Variants in PHKA1 observed in about 807,000 individuals in gnomAD.
PHKA1 encodes phosphorylase kinase regulatory subunit alpha 1, also known as phosphorylase b kinase regulatory subunit alpha, skeletal muscle isoform.
PHKA1 carries 60 observed loss-of-function variants against 110.2 expected under a neutral mutation model. That is an observed-to-expected ratio of 0.54 (90% CI 0.44 to 0.68). PHKA1 has a LOEUF of 0.68. Among genes scored for constraint, PHKA1 ranks in the 30% least tolerant of loss-of-function variants. PHKA1 has a pLI of 0.00. For synonymous variants in PHKA1, 316 were observed against 333.6 expected (o/e 0.95, Z 0.58); for missense variants, 801 against 942.5 (o/e 0.85, Z 1.97).
intron 3 of PHKA1, among the ~76,000 whole-genome samples, chrX:72,702,014 T>C (rs2147836306): frequency 8.9e-6 from 1 of 111,995 alleles, no homozygotes; most frequent in South Asian, 3.8e-4. Context: ...TTTTTTTGGC[T>C]ACAAGTCTTC....
chrX:72,679,185 T>A (rs1269031036), intron 5 of PHKA1, among the ~76,000 whole-genome samples: 1 of 111,709 alleles, frequency 9.0e-6, no homozygotes, highest in Non-Finnish European at 1.9e-5. Context: ...GAAAACTTCA[T>A]AATTCAGGGG....
intron 8 of PHKA1, among the ~76,000 whole-genome samples, chrX:72,663,900 G>A (rs1231446536): frequency 9.2e-6 from 1 of 109,176 alleles, no homozygotes; most frequent in Admixed American, 9.9e-5. Flanking sequence ...ACAGAAAGGA[G>A]CACATACAGA....
At chrX:72,620,457 A>C (rs1556275856) in intron 19 of PHKA1, among the ~76,000 whole-genome samples, 1 of 112,218 alleles carries the variant, frequency 8.9e-6, no homozygotes, top group East Asian at 2.8e-4. Flanking sequence ...GTTATAGTTG[A>C]ATATGCTCCA....
intron 8 of PHKA1, among the ~76,000 whole-genome samples, chrX:72,665,708 G>T (rs1556306057): frequency 1.8e-5 from 2 of 111,966 alleles, no homozygotes. Flanking sequence ...TTGGTACCTT[G>T]TATCTTTTTA....
At chrX:72,635,346 T>C (rs1556291044) in intron 15 of PHKA1, 47 bp from the exon 16 acceptor site, 8 of 1,096,216 alleles carry the variant, frequency 7.3e-6, no homozygotes, top group Non-Finnish European at 1.0e-5. Flanking sequence ...CTCTCACAAT[T>C]ATCAAGTAAT....
At chrX:72,615,573 T>G (rs1181796941) in intron 21 of PHKA1, among the ~76,000 whole-genome samples, 4 of 110,247 alleles carry the variant, frequency 3.6e-5, no homozygotes, top group African/African-American at 1.3e-4. Context: ...GTAAGCCTCA[T>G]GGTAACCACA....
At chrX:72,594,491 C>T (rs1009001765) in intron 28 of PHKA1, among the ~76,000 whole-genome samples, 14 of 112,116 alleles carry the variant, frequency 1.2e-4, no homozygotes, top group African/African-American at 4.5e-4. Flanking sequence ...GCATACCATC[C>T]GCAGCCATAT....
At chrX:72,665,782 G>A (rs1556306079) in intron 8 of PHKA1, among the ~76,000 whole-genome samples, 1 of 111,718 alleles carries the variant, frequency 9.0e-6, no homozygotes, top group Non-Finnish European at 1.9e-5. Flanking sequence ...TCTGTTGAAG[G>A]TTTTTTCCAG....
In PHKA1 at chrX:72,631,783, G is replaced by A. The variant is rs1445219668; in HGVS notation, c.1714+3372C>T. 7.2e-5 allele frequency among the ~76,000 whole-genome samples: 8 copies of A among 110,793 alleles called. No homozygotes were observed. In the Admixed American group the frequency reaches 7.7e-4, roughly 11 times the overall value. ...TTATGTTTGTTTTATATATGTCAAG[G>A]ATTTTTAGCTGCACTTAGCAGGAGG... On this transcript the variant is annotated intron_variant, in intron 16 of 31. Coordinates refer to ENST00000373542, the MANE Select transcript of PHKA1 (RefSeq NM_002637.4).
At chrX:72,702,679 C>T (rs1401221039) in intron 3 of PHKA1, among the ~76,000 whole-genome samples, 1 of 111,489 alleles carries the variant, frequency 9.0e-6, no homozygotes, top group Non-Finnish European at 1.9e-5. Context: ...AACTGTCCTA[C>T]TCATGAGAGA....
At chrX:72,667,672 A>AAAAGG (rs782337805) in intron 6 of PHKA1, among the ~76,000 whole-genome samples, 199 bp from the exon 7 acceptor site, 5 of 112,264 alleles carry the variant, frequency 4.5e-5, no homozygotes, top group Admixed American at 9.5e-5. Context: ...GAGAAAGTTA[A>AAAAGG]AAAGGAGTCT....
intron 18 of PHKA1, chrX:72,622,611 T>G (rs1198043725): frequency 1.3e-6 from 1 of 752,284 alleles, no homozygotes; most frequent in African/African-American, 2.3e-5. Flanking sequence ...TGTATTTGCC[T>G]AGTTTGTACT....
intron 6 of PHKA1, among the ~76,000 whole-genome samples, chrX:72,670,784 C>T (rs146884855): frequency 0.027 from 3,071 of 111,833 alleles, 105 homozygotes; most frequent in African/African-American, 0.094. Context: ...GTTCAATATA[C>T]GCAAATCAAT....
intron 28 of PHKA1, among the ~76,000 whole-genome samples, chrX:72,599,613 C>T (rs1324749202): frequency 9.0e-6 from 1 of 111,574 alleles, no homozygotes; most frequent in Non-Finnish European, 1.9e-5. Context: ...TTTCTGAAAT[C>T]GCAAAGAGGT....
At chrX:72,649,303 T>C (rs1556298121) in intron 13 of PHKA1, among the ~76,000 whole-genome samples, 1 of 111,476 alleles carries the variant, frequency 9.0e-6, no homozygotes, top group African/African-American at 3.3e-5. Context: ...TGGATTGTGA[T>C]GTTAGAGAGT....
At chrX:72,610,859 C>A (rs1424183425) in intron 22 of PHKA1, among the ~76,000 whole-genome samples, 169 bp downstream of exon 22, 1 of 111,738 alleles carries the variant, frequency 8.9e-6, no homozygotes, top group East Asian at 2.8e-4. Flanking sequence ...TATAAATCTA[C>A]AATTCTTACT....
chrX:72,601,302 T>C (rs112021399), intron 28 of PHKA1, among the ~76,000 whole-genome samples: 2,344 of 111,840 alleles, frequency 0.021, 66 homozygotes, highest in African/African-American at 0.071. Context: ...TCAGGACCAT[T>C]GTTAATAGGT....
chrX:72,615,752 GGGAAGGAAGGAAGGAA>G (rs563484322), intron 21 of PHKA1, among the ~76,000 whole-genome samples: 14 of 33,475 alleles, frequency 4.2e-4, no homozygotes, highest in African/African-American at 1.0e-3. Context: ...GAAGGAGGGG[GGGAAGGAAGGAAGGAA>G]GGAAGGAAGG....
intron 28 of PHKA1, chrX:72,593,575 T>C (rs1385594657): frequency 4.0e-5 from 9 of 226,106 alleles, no homozygotes; most frequent in Non-Finnish European, 7.2e-5. Context: ...TCTCCTGACC[T>C]CATGATCCAC....
Sources: gnomAD v4.1 joint callset for allele counts (sites outside exome capture counted in the v4.1 genomes callset) on GRCh38, gnomAD v4.1.1 for gene constraint, MANE v1.5 for transcripts, NCBI Gene and HGNC (gene_info 2026-07-23, HGNC 2026-07-21) for gene names.